NR2C1: variants seen among roughly 807,000 people sequenced by gnomAD.
The protein encoded by NR2C1 is nuclear receptor subfamily 2 group C member 1.
NR2C1 carries 33 observed loss-of-function variants against 74.8 expected under a neutral mutation model. The ratio of observed to expected loss-of-function variants is 0.44; its 90% confidence interval spans 0.33 to 0.59. The LOEUF (loss-of-function observed/expected upper bound fraction) is 0.59. Ranked by LOEUF, NR2C1 falls within the 20% of genes least tolerant of loss-of-function variation. The pLI, the probability that NR2C1 is intolerant of heterozygous loss-of-function variation, is 0.02. For missense variants in NR2C1, 568 were observed against 715.6 expected, an observed-to-expected ratio of 0.79 and a Z score of 2.35; for synonymous variants, 225 against 240.6, an observed-to-expected ratio of 0.94 and a Z score of 0.60.
intron 9 of NR2C1, 49 bp from the exon 10 acceptor site, chr12:95,040,646 T>C (rs773807849): frequency 6.5e-7 from 1 of 1,527,660 alleles, no homozygotes; most frequent in Admixed American, 2.0e-5. Context: ...TGAAAAGTTC[T>C]AAATTATCAT....
At chr12:95,035,699 A>G (rs539205107) in intron 10 of NR2C1, among the ~76,000 whole-genome samples, 2 of 152,362 alleles carry the variant, frequency 1.3e-5, no homozygotes, top group Admixed American at 1.3e-4. Flanking sequence ...ATCTATTTAC[A>G]TTTATCTAAA....
chr12:95,030,575 TG>T, intron 11 of NR2C1: 1 of 1,613,400 alleles, frequency 6.2e-7, no homozygotes, highest in South Asian at 1.1e-5. Flanking sequence ...GGGAATGTGA[TG>T]CTGCCTTCTA....
In NR2C1 at chr12:95,040,602, T is replaced by G; in HGVS notation, c.1132-5A>C. The G allele has an allele frequency of 6.2e-7, 1 of 1,602,410 alleles. No homozygotes were observed. Among genetic ancestry groups the G allele is most frequent in the Non-Finnish European group, 8.5e-7 (1 of 1,174,466 alleles). Reference sequence around the variant, plus strand: ...CATAGGAGAAGGCATGGTGAGCTAGTATGAACAGGGATTTAGGTAAATTAT... The same window carrying G: ...CATAGGAGAAGGCATGGTGAGCTAGGATGAACAGGGATTTAGGTAAATTAT... On this transcript the variant is annotated splice_polypyrimidine_tract_variant and splice_region_variant and intron_variant, in intron 9 of 13. Coordinates refer to ENST00000333003, the MANE Select transcript of NR2C1 (RefSeq NM_003297.4).
chr12:95,056,703 A>T (rs1873933306), intron 7 of NR2C1, among the ~76,000 whole-genome samples: 1 of 152,246 alleles, frequency 6.6e-6, no homozygotes, highest in Non-Finnish European at 1.5e-5. Flanking sequence ...TCACGCCTGT[A>T]ATCCCAGCAC....
intron 12 of NR2C1, among the ~76,000 whole-genome samples, chr12:95,025,766 T>C (rs1272398384): frequency 6.6e-6 from 1 of 151,054 alleles, no homozygotes; most frequent in Non-Finnish European, 1.5e-5. Context: ...AAAATTATTT[T>C]TTATCTCGTA....
rs531815962 is a variant in NR2C1 at position 95,046,464 on chromosome 12, T to C, written c.1131+2604A>G. Among the ~76,000 whole-genome samples the C allele has an allele frequency of 2.0e-5, 3 of 152,270 alleles. No individual in the cohort carries two copies. The South Asian group carries it at 6.2e-4, about 32-fold the overall frequency. ...TTAGCTGGGTGTGGTGGCACATGCC[T>C]GTGGTCTCAGCAACATGAAAGACTG... is the stretch of plus-strand genomic sequence containing the variant. On this transcript the variant is annotated intron_variant, in intron 9 of 13. Transcript: ENST00000333003.
intron 2 of NR2C1, 186 bp from the exon 3 acceptor site, chr12:95,062,924 T>C (rs1875016525): frequency 1.2e-5 from 7 of 597,420 alleles, no homozygotes; most frequent in South Asian, 4.1e-5. Flanking sequence ...AAAGGTACAA[T>C]AGTAAGAACA....
chr12:95,035,712 C>T lies in NR2C1; in HGVS notation c.1254-4224G>A, dbSNP rs114839957. 7.1e-3 allele frequency among the ~76,000 whole-genome samples: 1,073 copies of T among 152,198 alleles called. 15 individuals are homozygous for T. Among genetic ancestry groups the T allele is most frequent in the African/African-American group, 0.025 (1,019 of 41,508 alleles). On this transcript the variant is annotated intron_variant, in intron 10 of 13. Coordinates refer to ENST00000333003, the MANE Select transcript of NR2C1 (RefSeq NM_003297.4). ...GTATCTATTTACATTTATCTAAACC[C>T]CAAACCAAAAACCCTGATGGTATAG...
In NR2C1 at chr12:95,067,321, C is replaced by T. The variant is rs1875863635; in HGVS notation, c.54+10G>A. 6.2e-7 allele frequency: 1 copy of T among 1,612,730 alleles called. No individual in the cohort carries two copies. Among genetic ancestry groups the T allele is most frequent in the East Asian group, 2.2e-5 (1 of 44,828 alleles). ...GGTGGGCCAGTGCATCAACCGTAAA[C>T]TAGACATACCTCTCCCATCTGTTGT... is the stretch of plus-strand genomic sequence containing the variant. On this transcript the variant is annotated intron_variant, in intron 2 of 13. Coordinates refer to ENST00000333003, the MANE Select transcript of NR2C1 (RefSeq NM_003297.4).
Position 95,021,663 on chromosome 12 carries a change from C to G in NR2C1, c.*566G>C, listed in dbSNP as rs899626463. ...CTGCCAGCAATGAGAGTAGTATATG[C>G]TAAGGGACACCATGATATTTAGAGA... On this transcript the variant is annotated 3_prime_UTR_variant, in exon 14 of 14. Coordinates refer to ENST00000333003, the MANE Select transcript of NR2C1 (RefSeq NM_003297.4). 6.6e-6 allele frequency: 1 copy of G among 152,124 alleles called. No homozygotes were observed. The highest frequency in any genetic ancestry group is 2.4e-5 in the African/African-American group (1 of 41,410). 9.4% of individuals were successfully genotyped at this position (152,124 alleles called of 1,614,324 possible).
intron 4 of NR2C1, 86 bp from the exon 5 acceptor site, chr12:95,058,575 C>T (rs949789695): frequency 8.6e-6 from 9 of 1,041,878 alleles, no homozygotes; most frequent in African/African-American, 1.6e-5. Context: ...CTTTAAACAA[C>T]ATATAAGATG....
chr12:95,030,591 A>C, intron 11 of NR2C1: 1 of 1,613,392 alleles, frequency 6.2e-7, no homozygotes, highest in Non-Finnish European at 8.5e-7. Flanking sequence ...CTTCTAGTAG[A>C]TCTATTTTTG....
intron 12 of NR2C1, chr12:95,028,033 TTTCC>T (rs1811047705): frequency 6.0e-6 from 1 of 166,714 alleles, no homozygotes; most frequent in South Asian, 1.6e-4. Flanking sequence ...TGTGTTAGAA[TTTCC>T]TTCCTTTTAT....
At chr12:95,030,835 G>A (rs143819006) in intron 11 of NR2C1, 54 of 1,613,504 alleles carry the variant, frequency 3.3e-5, no homozygotes, top group Admixed American at 6.7e-5. Context: ...GTGATTGCTC[G>A]TCTTGTGAAA....
At chr12:95,072,245 A>C (rs2136216515) in intron 1 of NR2C1, among the ~76,000 whole-genome samples, 1 of 150,212 alleles carries the variant, frequency 6.7e-6, no homozygotes, top group African/African-American at 2.4e-5. Context: ...TGGCCAACAT[A>C]GTGAAACCCC....
At chr12:95,022,934 C>G (rs1868934875) in intron 13 of NR2C1, among the ~76,000 whole-genome samples, 1 of 150,930 alleles carries the variant, frequency 6.6e-6, no homozygotes, top group East Asian at 1.9e-4. Flanking sequence ...CACTCTTGGG[C>G]TCAAGCAATC....
chr12:95,033,876 G>A lies in NR2C1; in HGVS notation c.1254-2388C>T, dbSNP rs1048466374. Among the ~76,000 whole-genome samples the A allele has an allele frequency of 3.5e-4, 54 of 152,250 alleles. 1 individual carries two copies. Among genetic ancestry groups the A allele is most frequent in the Admixed American group, 3.2e-3 (49 of 15,284 alleles). ...AGAACTTTGATGAAAAGAGCTGTGG[G>A]CCCTTTTACAATTAATCTTTAAACC... On this transcript the variant is annotated intron_variant, in intron 10 of 13. Transcript: ENST00000333003.
intron 12 of NR2C1, chr12:95,026,876 G>A (rs913644294): frequency 1.3e-5 from 2 of 152,082 alleles, no homozygotes; most frequent in African/African-American, 2.4e-5. Flanking sequence ...AAACTGGCAG[G>A]AAAACAAGAA....
intron 7 of NR2C1, among the ~76,000 whole-genome samples, chr12:95,052,452 C>A (rs949953632): frequency 6.6e-6 from 1 of 152,156 alleles, no homozygotes; most frequent in Non-Finnish European, 1.5e-5. Flanking sequence ...TCGCGCCCGG[C>A]CGTATATGTT....
Sources: gnomAD v4.1 joint callset for allele counts (sites outside exome capture counted in the v4.1 genomes callset) on GRCh38, gnomAD v4.1.1 for gene constraint, MANE v1.5 for transcripts, NCBI Gene and HGNC (gene_info 2026-07-23, HGNC 2026-07-21) for gene names.